NTM: variants seen among roughly 807,000 people sequenced by gnomAD.
NTM encodes the protein IgLON family member 2.
NTM carries 13 observed loss-of-function variants against 42.1 expected under a neutral mutation model. The ratio of observed to expected loss-of-function variants is 0.31; its 90% CI spans 0.20 to 0.49. NTM has a LOEUF of 0.49. Among genes scored for constraint, NTM ranks in the 20% least tolerant of loss-of-function variants. The pLI, the probability that NTM is intolerant of heterozygous loss-of-function variation, is 0.99. For missense variants in NTM, 373 were observed against 452.8 expected, an observed-to-expected ratio of 0.82 and a Z score of 1.60; for synonymous variants, 187 against 179.2, an observed-to-expected ratio of 1.04 and a Z score of -0.35.
chr11:131,810,056 C>T (rs990586080), intron 1 of NTM, among the ~76,000 whole-genome samples: 28 of 152,210 alleles, frequency 1.8e-4, no homozygotes, highest in African/African-American at 6.3e-4. Context: ...TAAAACCTCA[C>T]TCATAATCTC....
intron 1 of NTM, among the ~76,000 whole-genome samples, chr11:131,818,740 C>T (rs537572090): frequency 1.3e-5 from 2 of 152,272 alleles, no homozygotes; most frequent in South Asian, 2.1e-4. Flanking sequence ...CGGTTGCTAT[C>T]GTGCTTTTAC....
chr11:131,893,571 C>T (rs1306811977), intron 1 of NTM, among the ~76,000 whole-genome samples: 1 of 152,148 alleles, frequency 6.6e-6, no homozygotes, highest in Non-Finnish European at 1.5e-5. Context: ...CACAGCAGCA[C>T]CAGCTCGGGG....
intron 3 of NTM, among the ~76,000 whole-genome samples, chr11:132,206,050 G>T (rs2138560258): frequency 6.6e-6 from 1 of 152,064 alleles, no homozygotes; most frequent in South Asian, 2.1e-4. Context: ...ATTTTTCCTG[G>T]GCATGGCTCT....
rs1941052779 is a variant in NTM, at chr11:131,370,775, A to C, written c.-32A>C. On this transcript the variant is annotated 5_prime_UTR_variant, in exon 1 of 9. Coordinates refer to ENST00000683400, the MANE Select transcript of NTM (RefSeq NM_001352005.2). ...AAGAAAGAAAAAAACCGAACCTGACAAAAAAGAAGAAAAAGAAGAAGAAAA... is the reference window on the plus strand; with the variant it reads ...AAGAAAGAAAAAAACCGAACCTGACCAAAAAGAAGAAAAAGAAGAAGAAAA... 7.5e-6 allele frequency: 12 copies of C among 1,589,994 alleles called. No homozygotes were observed. The highest frequency in any genetic ancestry group is 1.4e-5 in the African/African-American group (1 of 73,842).
chr11:131,975,501 C>G (rs543527786), intron 2 of NTM, among the ~76,000 whole-genome samples: 9 of 152,070 alleles, frequency 5.9e-5, no homozygotes, highest in Non-Finnish European at 8.8e-5. Context: ...AATGGAAAGC[C>G]TAGTCTTCTA....
chr11:131,688,075 G>A (rs79828161), intron 1 of NTM, among the ~76,000 whole-genome samples: 4,193 of 152,318 alleles, frequency 0.028, 208 homozygotes, highest in African/African-American at 0.096. Context: ...AACCCCGGAG[G>A]GGTGCGACGC....
intron 1 of NTM, among the ~76,000 whole-genome samples, chr11:131,749,632 C>G (rs925214075): frequency 1.3e-5 from 2 of 152,136 alleles, no homozygotes; most frequent in African/African-American, 4.8e-5. Flanking sequence ...GAATTTTGCT[C>G]TTGTCACCCA....
intron 1 of NTM, among the ~76,000 whole-genome samples, chr11:131,802,005 C>G (rs1321104291): frequency 1.2e-5 from 1 of 84,022 alleles, no homozygotes; most frequent in East Asian, 4.9e-4. Context: ...GGAGACATGC[C>G]TTGTATAATT....
intron 2 of NTM, among the ~76,000 whole-genome samples, chr11:131,917,754 C>T (rs1467914288): frequency 2.6e-5 from 4 of 152,198 alleles, no homozygotes; most frequent in Non-Finnish European, 2.9e-5. Context: ...TCTCAGGACC[C>T]GCCACTGGGC....
chr11:132,271,842 A>T (rs2093495460), intron 4 of NTM, among the ~76,000 whole-genome samples: 1 of 149,904 alleles, frequency 6.7e-6, no homozygotes. Context: ...ATTCTTTGTC[A>T]TTTCACTTTC....
At chr11:131,454,134 TATA>T (rs1220496214) in intron 1 of NTM, among the ~76,000 whole-genome samples, 1 of 152,064 alleles carries the variant, frequency 6.6e-6, no homozygotes, top group Non-Finnish European at 1.5e-5. Context: ...TGCAGTACAG[TATA>T]ATAAGATCTT....
Position 132,326,655 on chromosome 11 carries a change from A to C in NTM, c.935-3498A>C, listed in dbSNP as rs183971571. Among the ~76,000 whole-genome samples the C allele has an allele frequency of 1.8e-3, 279 of 152,328 alleles. 1 individual carries two copies. Among genetic ancestry groups the C allele is most frequent in the African/African-American group, 6.4e-3 (264 of 41,574 alleles). On this transcript the variant is annotated intron_variant, in intron 7 of 8. Transcript: ENST00000683400. ...GTGTAGGAGAATGGGTCAGCGAAGA[A>C]GACTGTGGATATCTAAAACGTTATG... is the stretch of plus-strand genomic sequence containing the variant.
intron 4 of NTM, among the ~76,000 whole-genome samples, chr11:132,272,504 G>T (rs2093528940): frequency 6.6e-6 from 1 of 152,060 alleles, no homozygotes; most frequent in African/African-American, 2.4e-5. Flanking sequence ...TCCAATTCAT[G>T]AACATGGGAA....
At chr11:131,885,279 G>A (rs2050199533) in intron 1 of NTM, among the ~76,000 whole-genome samples, 2 of 152,316 alleles carry the variant, frequency 1.3e-5, no homozygotes, top group South Asian at 4.2e-4. Flanking sequence ...CTTCCAGCTG[G>A]AGAGGAAAAG....
At chr11:132,177,351 T>G (rs2076975128) in intron 3 of NTM, among the ~76,000 whole-genome samples, 1 of 152,176 alleles carries the variant, frequency 6.6e-6, no homozygotes, top group Non-Finnish European at 1.5e-5. Flanking sequence ...CAAGTAAATA[T>G]TATAGCTCAG....
intron 1 of NTM, among the ~76,000 whole-genome samples, chr11:131,381,139 T>C (rs989856202): frequency 1.3e-5 from 2 of 152,122 alleles, no homozygotes; most frequent in East Asian, 3.9e-4. Context: ...GAACCTACGC[T>C]CTACATCTAG....
chr11:131,560,945 G>A (rs570439523), intron 1 of NTM, among the ~76,000 whole-genome samples: 2 of 152,104 alleles, frequency 1.3e-5, no homozygotes, highest in African/African-American at 2.4e-5. Context: ...ATGCCCCCAG[G>A]CTGACCATCC....
chr11:132,184,307 A>T (rs1198909081), intron 3 of NTM, among the ~76,000 whole-genome samples: 2 of 152,156 alleles, frequency 1.3e-5, no homozygotes, highest in Non-Finnish European at 2.9e-5. Context: ...TGATCCAGAC[A>T]GTTACTGGCT....
chr11:131,640,969 G>A (rs2065056734), intron 1 of NTM, among the ~76,000 whole-genome samples: 1 of 152,178 alleles, frequency 6.6e-6, no homozygotes, highest in Non-Finnish European at 1.5e-5. Context: ...TTTGCTGTCA[G>A]TACCAATACA....
Sources: allele counts gnomAD v4.1 joint callset (sites outside exome capture counted in the v4.1 genomes callset), GRCh38; gene constraint gnomAD v4.1.1; transcripts MANE v1.5; gene names NCBI Gene and HGNC (gene_info 2026-07-23, HGNC 2026-07-21).